HPSE2: variants seen among roughly 807,000 people sequenced by gnomAD.
The protein encoded by HPSE2 is inactive heparanase-2.
HPSE2 carries 38 observed loss-of-function variants against 60.5 expected under a neutral mutation model. That is an observed-to-expected ratio of 0.63 (90% CI 0.48 to 0.82). The LOEUF (loss-of-function observed/expected upper bound fraction) is 0.82. Among genes scored for constraint, HPSE2 ranks in the 40% least tolerant of loss-of-function variants. HPSE2 has a pLI of 0.00. For missense variants in HPSE2, 713 were observed against 740.4 expected, an observed-to-expected ratio of 0.96 and a Z score of 0.43; for synonymous variants, 295 against 293.2, an observed-to-expected ratio of 1.01 and a Z score of -0.06.
intron 3 of HPSE2, among the ~76,000 whole-genome samples, chr10:99,069,386 T>G (rs1469928860): frequency 6.6e-6 from 1 of 152,072 alleles, no homozygotes; most frequent in African/African-American, 2.4e-5. Flanking sequence ...AGTGCAATGC[T>G]GGAATCAAAT....
intron 3 of HPSE2, among the ~76,000 whole-genome samples, chr10:99,023,934 C>T (rs1287000505): frequency 6.6e-6 from 1 of 152,170 alleles, no homozygotes; most frequent in Non-Finnish European, 1.5e-5. Flanking sequence ...TGTGCACACA[C>T]CAAAGAACAT....
At chr10:98,740,574 T>C (rs11189791) in intron 4 of HPSE2, among the ~76,000 whole-genome samples, 1 of 152,156 alleles carries the variant, frequency 6.6e-6, no homozygotes, top group Non-Finnish European at 1.5e-5. Context: ...GCCCACACTA[T>C]TCACTGCTTT....
chr10:99,144,263 A>G lies in HPSE2; in HGVS notation c.585T>C (p.Asn195=), dbSNP rs1254379965. The change falls in exon 3 of 12, where the codon AAT becomes AAC. Residue 195 remains asparagine (N), a synonymous_variant. Transcript: ENST00000370552. ...HLVLLKEQFS[N]TYSNLILTAR... is the part of the protein sequence containing the mutation. ...CTGTTAATATGAGATTACTGTAAGTATTGGAGAATTGCTCCTTTAGAAGAA... is the reference window on the plus strand; with the variant it reads ...CTGTTAATATGAGATTACTGTAAGTGTTGGAGAATTGCTCCTTTAGAAGAA... The G allele has an allele frequency of 6.2e-7, 1 of 1,614,074 alleles. No individual in the cohort carries two copies. Among genetic ancestry groups the G allele is most frequent in the Admixed American group, 1.7e-5 (1 of 60,016 alleles).
chr10:98,688,754 G>C (rs915105556), intron 6 of HPSE2, among the ~76,000 whole-genome samples: 23 of 151,642 alleles, frequency 1.5e-4, no homozygotes, highest in African/African-American at 5.6e-4. Context: ...GGGATTACAG[G>C]CATGAGTCAC....
intron 9 of HPSE2, among the ~76,000 whole-genome samples, chr10:98,602,749 C>G (rs531266791): frequency 2.0e-5 from 3 of 152,192 alleles, no homozygotes; most frequent in African/African-American, 7.2e-5. Context: ...ACAACTGTAT[C>G]TACATGCAAA....
rs1444920816 is a variant in HPSE2 at position 98,941,464 on chromosome 10, G to A, written c.611-197408C>T. On this transcript the variant is annotated intron_variant, in intron 3 of 11. Transcript: ENST00000370552. ...ACAGACAGAGAGCCAAATCATCAGT[G>A]AACTCCCATTCACAATTGCTTCAAA... is the stretch of plus-strand genomic sequence containing the variant. Among the ~76,000 whole-genome samples, 3 of 140,930 alleles carry A rather than the reference G, an allele frequency of 2.1e-5. 1 individual carries two copies. Among genetic ancestry groups the A allele is most frequent in the Non-Finnish European group, 4.5e-5 (3 of 66,490 alleles). The allele number at this position is 140,930 out of a possible 152,430, so 92.5% of individuals were successfully genotyped here.
At chr10:98,646,377 C>A (rs983439648) in intron 6 of HPSE2, among the ~76,000 whole-genome samples, 1 of 150,548 alleles carries the variant, frequency 6.6e-6, no homozygotes, top group Non-Finnish European at 1.5e-5. Flanking sequence ...CCTAGACTGA[C>A]ACTTTTAGGT....
At chr10:99,037,640 G>GTAAA (rs958408920) in intron 3 of HPSE2, among the ~76,000 whole-genome samples, 2 of 151,806 alleles carry the variant, frequency 1.3e-5, no homozygotes, top group African/African-American at 4.8e-5. Flanking sequence ...AGGAATAAGA[G>GTAAA]TAAAGTACAG....
At chr10:98,883,451 GTAA>G (rs1953082195) in intron 3 of HPSE2, among the ~76,000 whole-genome samples, 1 of 152,150 alleles carries the variant, frequency 6.6e-6, no homozygotes, top group Admixed American at 6.6e-5. Flanking sequence ...TATTACAGTA[GTAA>G]TAAAGCAGAG....
At chr10:98,644,138 G>T (rs2134042392) in intron 6 of HPSE2, among the ~76,000 whole-genome samples, 1 of 152,244 alleles carries the variant, frequency 6.6e-6, no homozygotes, top group East Asian at 1.9e-4. Flanking sequence ...CAAGTACCCA[G>T]AATCTGGAGT....
chr10:98,832,139 T>C (rs184804206), intron 3 of HPSE2, among the ~76,000 whole-genome samples: 1 of 152,260 alleles, frequency 6.6e-6, no homozygotes, highest in East Asian at 1.9e-4. Context: ...GCTAAAGAGG[T>C]TGGCTGTCCG....
intron 3 of HPSE2, among the ~76,000 whole-genome samples, chr10:98,906,259 C>T (rs1273668296): frequency 2.6e-4 from 39 of 152,188 alleles, no homozygotes; most frequent in Admixed American, 2.6e-3. Context: ...CCCTTCATGC[C>T]AATCTCCATC....
At position 99,065,538 on chromosome 10, in the gene HPSE2, CA is replaced by C. The variant is rs1439796177; in HGVS notation, c.610+78699del. Among the ~76,000 whole-genome samples the C allele has an allele frequency of 3.9e-5, 6 of 152,064 alleles. No homozygotes were observed. In the South Asian group the frequency reaches 1.0e-3, roughly 26 times the overall value. ...CCCAGGTATTTGATATGAGTTGAAC[CA>C]AACTGATGGGCCCTGTCCTCAGAGA... On this transcript the variant is annotated intron_variant, in intron 3 of 11. Coordinates refer to ENST00000370552, the MANE Select transcript of HPSE2 (RefSeq NM_021828.5).
At chr10:99,078,904 T>G (rs1473071624) in intron 3 of HPSE2, among the ~76,000 whole-genome samples, 3 of 152,176 alleles carry the variant, frequency 2.0e-5, no homozygotes, top group Non-Finnish European at 2.9e-5. Flanking sequence ...TTCTTTGCTC[T>G]TAGCCACCCT....
the HPSE2 span, among the ~76,000 whole-genome samples, chr10:99,309,577 A>C: frequency 6.6e-6 from 1 of 152,200 alleles, no homozygotes; most frequent in Non-Finnish European, 1.5e-5. Context: ...ATTATGCACC[A>C]CCTACTTTTC....
the HPSE2 span, among the ~76,000 whole-genome samples, chr10:99,301,920 C>T: frequency 6.6e-6 from 1 of 151,510 alleles, no homozygotes; most frequent in African/African-American, 2.4e-5. Flanking sequence ...AATTTTAAAC[C>T]CTGCTACCTT....
intron 6 of HPSE2, among the ~76,000 whole-genome samples, chr10:98,688,090 A>C (rs1480771175): frequency 6.6e-6 from 1 of 151,734 alleles, no homozygotes; most frequent in African/African-American, 2.4e-5. Context: ...TTTCGGCTAT[A>C]CTTTTTGTCA....
At chr10:98,565,218 T>C (rs1944307967) in intron 9 of HPSE2, among the ~76,000 whole-genome samples, 1 of 152,018 alleles carries the variant, frequency 6.6e-6, no homozygotes, top group Admixed American at 6.5e-5. Flanking sequence ...GCAGGTTTGC[T>C]ACATAGGTAT....
intron 3 of HPSE2, among the ~76,000 whole-genome samples, chr10:98,941,058 A>C (rs1236177272): frequency 2.9e-5 from 4 of 140,146 alleles, no homozygotes; most frequent in Non-Finnish European, 6.0e-5. Context: ...ACTCTCAATA[A>C]ATTAGGTATT....
Sources: gnomAD v4.1 joint callset for allele counts (sites outside exome capture counted in the v4.1 genomes callset) on GRCh38, gnomAD v4.1.1 for gene constraint, MANE v1.5 for transcripts, NCBI Gene and HGNC (gene_info 2026-07-23, HGNC 2026-07-21) for gene names.